LTBP4: variants seen among roughly 807,000 people sequenced by gnomAD.
The protein encoded by LTBP4 is latent transforming growth factor beta binding protein 4.
Under a neutral mutation model 180.2 loss-of-function variants are expected in LTBP4, and 93 were observed. That is an observed-to-expected ratio of 0.52 (90% CI 0.44 to 0.61). LTBP4 has a LOEUF of 0.61. Ranked by LOEUF, LTBP4 falls within the 20% of genes least tolerant of loss-of-function variation. The pLI, the probability that LTBP4 is intolerant of heterozygous loss-of-function variation, is 0.00. For synonymous variants in LTBP4, 947 were observed against 934.5 expected, an observed-to-expected ratio of 1.01 and a Z score of -0.24; for missense variants, 2,116 against 2,256.5, an observed-to-expected ratio of 0.94 and a Z score of 1.26.
intron 9 of LTBP4, 39 bp downstream of exon 9, chr19:40,608,642 G>A (rs770236860): frequency 6.4e-7 from 1 of 1,552,906 alleles, no homozygotes; most frequent in South Asian, 1.2e-5. Flanking sequence ...GCCTGCAGCA[G>A]TGGCTCACGC....
Position 40,605,557 on chromosome 19 carries a change from C to A in LTBP4, c.595C>A (p.Pro199Thr), listed in dbSNP as rs1568402918. Reference protein sequence around the residue: ...EAAARAEAAAPYTVLAQSAPR... With the variant: ...EAAARAEAAATYTVLAQSAPR... ...GGCGGCGCGGGCGGAGGCGGCAGCG[C>A]CCTACACGGTGTTGGCACAGAGCGC... is the stretch of plus-strand genomic sequence containing the variant. Residue 199 changes from proline to threonine, a missense_variant, in exon 3 of 30, where the codon CCC (proline) becomes ACC (threonine). Pro to Thr is a conservative substitution (Grantham distance 38). This residue lies in a region of LTBP4 where 469 missense variants were observed against 532.5 expected (regional missense o/e 0.88). Coordinates refer to ENST00000396819, the MANE Select transcript of LTBP4 (RefSeq NM_001042545.2). The surrounding 1 kb of genome is among the most constrained non-coding windows in gnomAD (Gnocchi z 5.5). The A allele has an allele frequency of 1.2e-6, 2 of 1,605,968 alleles. No homozygotes were observed. Among genetic ancestry groups the A allele is most frequent in the Admixed American group, 1.7e-5 (1 of 59,208 alleles).
chr19:40,620,265 G>A (rs1398272848), intron 22 of LTBP4, among the ~76,000 whole-genome samples: 1 of 149,224 alleles, frequency 6.7e-6, no homozygotes, highest in Non-Finnish European at 1.5e-5. Context: ...TTTTAAGACA[G>A]GGTCGTACTT....
chr19:40,606,525 C>A lies in LTBP4; in HGVS notation c.990C>A (p.Ile330=). The change falls in exon 6 of 30, where the codon ATC becomes ATA. Residue 330 remains isoleucine (I), a splice_region_variant and synonymous_variant. Coordinates refer to ENST00000396819, the MANE Select transcript of LTBP4 (RefSeq NM_001042545.2). ...FLLDSSRSSC[I]SQHVISEAKG... ...TCGACTCGTCCCGCAGCAGCTGCAT[C>A]TGTGAGCAACCAGCAGGGAGCTGAG... 1 of 1,563,840 alleles carries A rather than the reference C, an allele frequency of 6.4e-7. No individual in the cohort carries two copies. The highest frequency in any genetic ancestry group is 1.2e-5 in the South Asian group (1 of 84,928).
chr19:40,614,055 C>T lies in LTBP4; in HGVS notation c.2680+17C>T, dbSNP rs778234718. The stretch of plus-strand genomic sequence containing the variant: ...CCTGCCTCGGTGAGAGGCCCCGCCC[C>T]GGCCTGATCCCTCCTCCCTTCGACT... On this transcript the variant is annotated intron_variant, in intron 18 of 29. Coordinates refer to ENST00000396819, the MANE Select transcript of LTBP4 (RefSeq NM_001042545.2). The T allele has an allele frequency of 6.2e-7, 1 of 1,611,196 alleles. No individual in the cohort carries two copies. Among genetic ancestry groups the T allele is most frequent in the Non-Finnish European group, 8.5e-7 (1 of 1,179,304 alleles).
rs1238100648 is a variant in LTBP4 at position 40,611,173 on chromosome 19, G to A, written c.1832G>A (p.Ser611Asn). The A allele has an allele frequency of 1.2e-6, 2 of 1,613,214 alleles. No homozygotes were observed. Among genetic ancestry groups the A allele is most frequent in the South Asian group, 2.2e-5 (2 of 91,044 alleles). Residue 611 changes from serine to asparagine, a missense_variant, in exon 13 of 30, where the codon AGC becomes AAC. By Grantham distance (46) the Ser-to-Asn change is conservative. Coordinates refer to ENST00000396819, the MANE Select transcript of LTBP4 (RefSeq NM_001042545.2). This position sits in a 1 kb window ranked among gnomAD's most constrained non-coding sequence, Gnocchi z 4.4. ...GCAGATGTGGATGAATGCACCCAGA[G>A]CCCAGGCCTGTGTGGCCGAGGGGCC... is the stretch of plus-strand genomic sequence containing the variant. ...SCQDVDECTQ[S>N]PGLCGRGACK...
In LTBP4 at chr19:40,629,618, C is replaced by G; in HGVS notation, c.*68C>G. 7.6e-7 allele frequency: 1 copy of G among 1,309,698 alleles called. No individual in the cohort carries two copies. The highest frequency in any genetic ancestry group is 1.9e-5 in the South Asian group (1 of 53,442). 81.1% of individuals were successfully genotyped at this position (1,309,698 alleles called of 1,614,324 possible). ...GGCCCCTGCCGCGCATCCTGCAGCC[C>G]GCTTATGCGTATGTGCACGGGGCCG... On this transcript the variant is annotated 3_prime_UTR_variant, in exon 30 of 30. Transcript: ENST00000396819. The surrounding 1 kb of genome is among the most constrained non-coding windows in gnomAD (Gnocchi z 4.5).
intron 19 of LTBP4, among the ~76,000 whole-genome samples, chr19:40,614,760 C>T (rs3815913): frequency 0.015 from 2,312 of 152,186 alleles, 18 homozygotes; most frequent in Non-Finnish European, 0.019. Flanking sequence ...CAATCGGCCT[C>T]TGGATTAAAA....
In LTBP4 at chr19:40,622,758, A is replaced by G; in HGVS notation, c.3484+91A>G. On this transcript the variant is annotated intron_variant, in intron 23 of 29. Coordinates refer to ENST00000396819, the MANE Select transcript of LTBP4 (RefSeq NM_001042545.2). The surrounding 1 kb of genome is among the most constrained non-coding windows in gnomAD (Gnocchi z 5.1). Reference sequence around the variant, plus strand: ...CCTGGGACAGGGGACACTTTTGGACAGGGCCTTGAGGTACTAGTACTGTCA... The same window carrying G: ...CCTGGGACAGGGGACACTTTTGGACGGGGCCTTGAGGTACTAGTACTGTCA... The G allele has an allele frequency of 6.8e-7, 1 of 1,473,288 alleles. No homozygotes were observed. Among genetic ancestry groups the G allele is most frequent in the Non-Finnish European group, 9.1e-7 (1 of 1,104,080 alleles). 91.3% of individuals were successfully genotyped at this position (1,473,288 alleles called of 1,614,324 possible).
At position 40,622,395 on chromosome 19, in the gene LTBP4, C is replaced by T; in HGVS notation, c.3218-6C>T. ...CACACTGGGCTAAAGCTCCTTGTCT[C>T]CCCAGGCACGTTCCCAGGCTCGCAG... On this transcript the variant is annotated splice_region_variant and splice_polypyrimidine_tract_variant and intron_variant, in intron 22 of 29. Transcript: ENST00000396819. This position sits in a 1 kb window ranked among gnomAD's most constrained non-coding sequence, Gnocchi z 5.1. The T allele has an allele frequency of 6.6e-7, 1 of 1,508,740 alleles. No homozygotes were observed. Among genetic ancestry groups the T allele is most frequent in the South Asian group, 1.3e-5 (1 of 76,730 alleles). 93.5% of individuals were successfully genotyped at this position (1,508,740 alleles called of 1,614,324 possible).
At chr19:40,621,345 G>A (rs1351116259) in intron 22 of LTBP4, among the ~76,000 whole-genome samples, 3 of 152,118 alleles carry the variant, frequency 2.0e-5, no homozygotes, top group Non-Finnish European at 4.4e-5. Flanking sequence ...CCACTGTTTA[G>A]CTCTCACTTG....
chr19:40,627,775 C>T lies in LTBP4; in HGVS notation c.4437C>T (p.Gly1479=), dbSNP rs761797734. 8.9e-6 allele frequency: 14 copies of T among 1,578,982 alleles called. No homozygotes were observed. The highest frequency in any genetic ancestry group is 1.7e-4 in the Middle Eastern group (1 of 6,024). The change falls in exon 29 of 30, where the codon GGC becomes GGT. Residue 1479 remains glycine (G), a synonymous_variant. Coordinates refer to ENST00000396819, the MANE Select transcript of LTBP4 (RefSeq NM_001042545.2). ...ECGILDGCTN[G]RCVRVPEGFT... ...GGATCCTGGACGGCTGCACCAACGG[C>T]CGCTGCGTGCGCGTCCCCGAAGGCT...
At chr19:40,602,205 T>A (rs1360965658) in intron 1 of LTBP4, among the ~76,000 whole-genome samples, 6 of 137,936 alleles carry the variant, frequency 4.3e-5, no homozygotes, top group Admixed American at 4.3e-4. Context: ...GGGGTGGGGG[T>A]GTCTCCGCAG....
upstream of LTBP4, chr19:40,599,317 G>A (rs369163605): frequency 1.9e-6 from 3 of 1,611,618 alleles, no homozygotes; most frequent in Non-Finnish European, 2.5e-6. Context: ...GAGGGGCAGG[G>A]AGCTCCCCAT....
rs1568405563 is a variant in LTBP4, at chr19:40,609,805, C to CCAGGCA, written c.1619_1624dup (p.Gly541_Ser542insThrGly). On this transcript the variant is annotated inframe_insertion, in exon 11 of 30. Coordinates refer to ENST00000396819, the MANE Select transcript of LTBP4 (RefSeq NM_001042545.2). The surrounding 1 kb of genome is among the most constrained non-coding windows in gnomAD (Gnocchi z 4.9). Reference sequence around the variant, plus strand: ...TGCTCCCGGGCGCTGCGAGAACTCACCAGGCAGCTTCCGCTGCGTGTGCGG... The same window carrying CCAGGCA: ...TGCTCCCGGGCGCTGCGAGAACTCACCAGGCACAGGCAGCTTCCGCTGCGTGTGCGG... 1 of 1,609,352 alleles carries CCAGGCA rather than the reference C, an allele frequency of 6.2e-7. No individual in the cohort carries two copies. Among genetic ancestry groups the CCAGGCA allele is most frequent in the East Asian group, 2.2e-5 (1 of 44,750 alleles).
At chr19:40,617,356 T>A in intron 21 of LTBP4, 131 bp downstream of exon 21, 1 of 1,278,972 alleles carries the variant, frequency 7.8e-7, no homozygotes, top group Non-Finnish European at 1.1e-6. Flanking sequence ...TATAAGATCA[T>A]CTTCATGCCA....
chr19:40,615,098 C>T (rs1419544147), intron 19 of LTBP4, among the ~76,000 whole-genome samples: 1 of 151,832 alleles, frequency 6.6e-6, no homozygotes, highest in Non-Finnish European at 1.5e-5. Context: ...CAGGCCTTCC[C>T]TCCCGCCCCG....
At chr19:40,597,480 C>A (rs2081397485), upstream of LTBP4, 13 of 1,299,238 alleles carry the variant, frequency 1.0e-5, no homozygotes, top group Non-Finnish European at 1.3e-5. Flanking sequence ...CCCACTGCTT[C>A]GATGTGGAGA....
intron 1 of LTBP4, among the ~76,000 whole-genome samples, chr19:40,603,851 A>C (rs2081439972): frequency 6.6e-6 from 1 of 152,120 alleles, no homozygotes; most frequent in Non-Finnish European, 1.5e-5. Context: ...GGGGCTCCCC[A>C]AGGGTCCGGA....
rs1181069242 is a variant in LTBP4 at position 40,601,561 on chromosome 19, C to T, written c.174C>T (p.Cys58=). 2.0e-6 allele frequency: 3 copies of T among 1,474,892 alleles called. No individual in the cohort carries two copies. The highest frequency in any genetic ancestry group is 2.7e-6 in the Non-Finnish European group (3 of 1,118,576). The allele number at this position is 1,474,892 out of a possible 1,614,324, so 91.4% of individuals were successfully genotyped here. A position where few individuals can be genotyped will look rare whatever the true frequency, so the allele number is the denominator to read the frequency against. ...CCGGCTCCCGCTGTACCCCGACCTGCGCGCCCCGCAACGCCACCAGCGTGG... is the reference window on the plus strand; with the variant it reads ...CCGGCTCCCGCTGTACCCCGACCTGTGCGCCCCGCAACGCCACCAGCGTGG... ...GPTGSRCTPT[C]APRNATSVDS... Residue 58 remains cysteine (C), a synonymous_variant, in exon 1 of 30, where the codon TGC becomes TGT. Transcript: ENST00000396819.
Sources: gnomAD v4.1 joint callset for allele counts (sites outside exome capture counted in the v4.1 genomes callset) on GRCh38, gnomAD v4.1.1 for gene constraint, gnomAD v4.1.1 regional missense constraint, Gnocchi (gnomAD v3.1) non-coding constraint, MANE v1.5 for transcripts, NCBI Gene and HGNC (gene_info 2026-07-23, HGNC 2026-07-21) for gene names.